Variants in THADA observed in about 807,000 individuals in gnomAD.
THADA encodes the protein tRNA (32-2'-O)-methyltransferase regulator THADA.
THADA carries 213 observed loss-of-function variants against 219.8 expected under a neutral mutation model. The observed-to-expected ratio is 0.97, with a 90% CI of 0.87 to 1.09. The LOEUF is 1.09. Among genes scored for constraint, THADA ranks in the 50% least tolerant of loss-of-function variants. The probability of loss-of-function intolerance (pLI) is 0.00; values close to 1 mark genes in which losing one functional copy is unlikely to be tolerated. For missense variants in THADA, 2,956 were observed against 2,311.3 expected, an observed-to-expected ratio of 1.28 and a Z score of -5.72; for synonymous variants, 1,018 against 828.9, an observed-to-expected ratio of 1.23 and a Z score of -3.92.
chr2:43,541,263 A>G lies in THADA; in HGVS notation c.3160T>C (p.Trp1054Arg). Residue 1054 changes from tryptophan to arginine, a missense_variant, in exon 21 of 38, where the codon TGG becomes CGG. Trp to Arg is a moderately radical substitution (Grantham distance 101). Coordinates refer to ENST00000405975, the MANE Select transcript of THADA (RefSeq NM_022065.5). ...VTAQMVLVCCWRSMKEVALLL... is the reference protein window; with the variant it reads ...VTAQMVLVCCRRSMKEVALLL... The stretch of plus-strand genomic sequence containing the variant: ...AAAGCAACTTCCTTCATACTTCTCC[A>G]ACAACATACCAGCACCATCTGCGCA... 1 of 1,613,062 alleles carries G rather than the reference A, an allele frequency of 6.2e-7. No individual in the cohort carries two copies. The highest frequency in any genetic ancestry group is 8.5e-7 in the Non-Finnish European group (1 of 1,179,500).
In THADA at chr2:43,592,431, A is replaced by G. The variant is rs1701677459; in HGVS notation, c.-24-15T>C. Reference sequence around the variant, plus strand: ...AATAGTAGTCACTGCAAGAAAGAAGACTTTAAGGCATTAATGTAAGGTTTC... The same window carrying G: ...AATAGTAGTCACTGCAAGAAAGAAGGCTTTAAGGCATTAATGTAAGGTTTC... On this transcript the variant is annotated splice_polypyrimidine_tract_variant and intron_variant, in intron 1 of 37. Coordinates refer to ENST00000405975, the MANE Select transcript of THADA (RefSeq NM_022065.5). 1 of 1,420,818 alleles carries G rather than the reference A, an allele frequency of 7.0e-7. No homozygotes were observed. The highest frequency in any genetic ancestry group is 9.7e-7 in the Non-Finnish European group (1 of 1,028,604). 88.0% of individuals were successfully genotyped at this position (1,420,818 alleles called of 1,614,324 possible).
At chr2:43,322,759 C>A (rs1343306365) in intron 30 of THADA, among the ~76,000 whole-genome samples, 1 of 126,338 alleles carries the variant, frequency 7.9e-6, no homozygotes, top group Non-Finnish European at 1.6e-5. Context: ...GATCTTGGCT[C>A]ACTGCAAGCC....
intron 21 of THADA, among the ~76,000 whole-genome samples, chr2:43,536,713 T>A (rs1010147700): frequency 1.3e-5 from 2 of 151,844 alleles, no homozygotes; most frequent in African/African-American, 4.8e-5. Context: ...TAAAACCCAT[T>A]AAAAAAAATA....
At position 43,541,257 on chromosome 2, in the gene THADA, T is replaced by C. The variant is rs1574158487; in HGVS notation, c.3166A>G (p.Ser1056Gly). ...AQMVLVCCWR[S>G]MKEVALLLGM... is the part of the protein sequence containing the mutation. ...AAAAGTAAAGCAACTTCCTTCATACTTCTCCAACAACATACCAGCACCATC... is the reference window on the plus strand; with the variant it reads ...AAAAGTAAAGCAACTTCCTTCATACCTCTCCAACAACATACCAGCACCATC... Residue 1056 changes from serine (S) to glycine (G), a missense_variant, in exon 21 of 38, where the codon AGT becomes GGT. Coordinates refer to ENST00000405975, the MANE Select transcript of THADA (RefSeq NM_022065.5). 2 of 1,612,944 alleles carry C rather than the reference T, an allele frequency of 1.2e-6. No individual in the cohort carries two copies. Among genetic ancestry groups the C allele is most frequent in the African/African-American group, 2.7e-5 (2 of 75,008 alleles).
intron 29 of THADA, among the ~76,000 whole-genome samples, chr2:43,369,845 C>T (rs571485466): frequency 6.6e-6 from 1 of 152,334 alleles, no homozygotes; most frequent in South Asian, 2.1e-4. Flanking sequence ...ATTTCTACAT[C>T]CTCCAGCCAT....
At chr2:43,575,128 GACC>G in intron 10 of THADA, 101 bp from the exon 11 acceptor site, 1 of 870,722 alleles carries the variant, frequency 1.1e-6, no homozygotes, top group Non-Finnish European at 1.7e-6. Context: ...TACACAGAAT[GACC>G]ACAAATTTCA....
intron 29 of THADA, among the ~76,000 whole-genome samples, chr2:43,394,886 T>G (rs1263454851): frequency 1.3e-5 from 2 of 152,210 alleles, no homozygotes; most frequent in Non-Finnish European, 2.9e-5. Flanking sequence ...AAGCCCTTCA[T>G]CCCACCAACA....
intron 26 of THADA, among the ~76,000 whole-genome samples, chr2:43,440,560 T>C (rs1680724227): frequency 6.6e-6 from 1 of 152,216 alleles, no homozygotes; most frequent in Non-Finnish European, 1.5e-5. Context: ...TTTCCTTGGC[T>C]TTTGATTCTG....
At chr2:43,576,290 G>C (rs1040896644) in intron 10 of THADA, among the ~76,000 whole-genome samples, 3 of 152,088 alleles carry the variant, frequency 2.0e-5, no homozygotes, top group African/African-American at 7.2e-5. Context: ...CTGTATATAT[G>C]TTTCGACATT....
At chr2:43,592,677 T>C (rs1298689950) in intron 1 of THADA, among the ~76,000 whole-genome samples, 1 of 152,206 alleles carries the variant, frequency 6.6e-6, no homozygotes, top group Non-Finnish European at 1.5e-5. Flanking sequence ...GAATTTCTGA[T>C]TTGAAGAAGA....
intron 22 of THADA, among the ~76,000 whole-genome samples, chr2:43,511,657 C>CACACGACACAAACACAA (rs1188286790): frequency 5.9e-5 from 9 of 152,118 alleles, no homozygotes; most frequent in African/African-American, 1.9e-4. Flanking sequence ...ATACAACACA[C>CACACGACACAAACACAA]ACACCTCATA....
chr2:43,573,710 C>T (rs17031067), intron 11 of THADA, among the ~76,000 whole-genome samples: 4,324 of 152,092 alleles, frequency 0.028, 204 homozygotes, highest in African/African-American at 0.098. Flanking sequence ...TTATGCTGTA[C>T]GATACTACAT....
rs541232673 is a variant in THADA, at chr2:43,325,792, T to G, written c.4344-5252A>C. On this transcript the variant is annotated intron_variant, in intron 30 of 37. Coordinates refer to ENST00000405975, the MANE Select transcript of THADA (RefSeq NM_022065.5). The stretch of plus-strand genomic sequence containing the variant: ...TCCATTAAGTCCTTGCTAAGAATAA[T>G]TTTTAATAAGTTATCTTTAAGATTT... 4.1e-4 allele frequency among the ~76,000 whole-genome samples: 62 copies of G among 152,350 alleles called. 1 individual carries two copies. The highest frequency in any genetic ancestry group is 6.2e-4 in the Non-Finnish European group (42 of 68,032).
chr2:43,577,676 C>T (rs1700003095), intron 9 of THADA, among the ~76,000 whole-genome samples: 1 of 150,716 alleles, frequency 6.6e-6, no homozygotes, highest in South Asian at 2.1e-4. Flanking sequence ...ATATAGCAAG[C>T]AAAAAAAGAA....
At chr2:43,246,958 G>C (rs1049354487) in intron 36 of THADA, among the ~76,000 whole-genome samples, 3 of 152,250 alleles carry the variant, frequency 2.0e-5, no homozygotes, top group African/African-American at 7.2e-5. Flanking sequence ...CCAAGGAAGG[G>C]AGAACAATTC....
In THADA at chr2:43,230,915, C is replaced by A; in HGVS notation, c.*33G>T. 1 of 1,566,732 alleles carries A rather than the reference C, an allele frequency of 6.4e-7. No homozygotes were observed. Among genetic ancestry groups the A allele is most frequent in the Non-Finnish European group, 8.7e-7 (1 of 1,153,922 alleles). The stretch of plus-strand genomic sequence containing the variant: ...GCAGATTTAGTGGAGGAAAAATCCA[C>A]ACATACCCCCATCCCAATCCCCCAG... On this transcript the variant is annotated 3_prime_UTR_variant, in exon 38 of 38. Coordinates refer to ENST00000405975, the MANE Select transcript of THADA (RefSeq NM_022065.5).
chr2:43,569,977 G>T (rs1177257458), intron 14 of THADA, among the ~76,000 whole-genome samples: 2 of 152,150 alleles, frequency 1.3e-5, no homozygotes, highest in South Asian at 4.1e-4. Flanking sequence ...CTCCACAGCT[G>T]GACCATGGGC....
At chr2:43,245,553 G>C (rs1463290353) in intron 36 of THADA, among the ~76,000 whole-genome samples, 1 of 152,154 alleles carries the variant, frequency 6.6e-6, no homozygotes, top group African/African-American at 2.4e-5. Context: ...TCTTTGTGAA[G>C]CTTCACTGGC....
At position 43,574,920 on chromosome 2, in the gene THADA, A is replaced by G. The variant is rs1305382606; in HGVS notation, c.1145T>C (p.Leu382Pro). The G allele has an allele frequency of 6.2e-7, 1 of 1,614,026 alleles. No homozygotes were observed. Among genetic ancestry groups the G allele is most frequent in the South Asian group, 1.1e-5 (1 of 91,090 alleles). The change falls in exon 11 of 38, where the codon CTG becomes CCG. Residue 382 changes from leucine to proline, a missense_variant. Physicochemically the swap from Leu to Pro is moderately conservative, Grantham distance 98 (BLOSUM62 -3). Transcript: ENST00000405975. ...ESSSPSLTDS[L>P]NGNSSIVGRL... ...CCCAACTATACTTGAATTCCCATTC[A>G]GGCTGTCCGTTAGGCTCGGGGAACT... is the stretch of plus-strand genomic sequence containing the variant.
Sources: allele counts gnomAD v4.1 joint callset (sites outside exome capture counted in the v4.1 genomes callset), GRCh38; gene constraint gnomAD v4.1.1; transcripts MANE v1.5; gene names NCBI Gene and HGNC (gene_info 2026-07-23, HGNC 2026-07-21).